ALKBH8: variants seen among roughly 807,000 people sequenced by gnomAD.
The protein encoded by ALKBH8 is tRNA (carboxymethyluridine(34)-5-O)-methyltransferase ALKBH8.
ALKBH8 carries 36 observed loss-of-function variants against 59.8 expected under a neutral mutation model. The observed-to-expected ratio is 0.60, with a 90% confidence interval of 0.46 to 0.79. ALKBH8 has a LOEUF of 0.79. Ranked by LOEUF, ALKBH8 falls within the 30% of genes least tolerant of loss-of-function variation. The probability of loss-of-function intolerance (pLI) is 0.00; values close to 1 mark genes in which losing one functional copy is unlikely to be tolerated. For missense variants in ALKBH8, 768 were observed against 801.0 expected, an observed-to-expected ratio of 0.96 and a Z score of 0.50; for synonymous variants, 276 against 273.6, an observed-to-expected ratio of 1.01 and a Z score of -0.09.
At chr11:107,556,726 C>T in intron 3 of ALKBH8, 40 bp downstream of exon 3, 1 of 1,293,542 alleles carries the variant, frequency 7.7e-7, no homozygotes, top group Non-Finnish European at 1.0e-6. Context: ...AGAAAACACC[C>T]AGAAGAATCA....
chr11:107,554,119 A>T, intron 3 of ALKBH8, 141 bp from the exon 4 acceptor site: 1 of 997,688 alleles, frequency 1.0e-6, no homozygotes, highest in Non-Finnish European at 1.5e-6. Flanking sequence ...GGCACCCAAC[A>T]TATTAAAAGT....
intron 7 of ALKBH8, among the ~76,000 whole-genome samples, chr11:107,544,773 C>T (rs944598618): frequency 1.3e-5 from 2 of 150,664 alleles, no homozygotes; most frequent in Non-Finnish European, 3.0e-5. Context: ...CATCAATATA[C>T]ATATAGAGCC....
At chr11:107,514,654 T>TCA (rs1400842214) in intron 10 of ALKBH8, among the ~76,000 whole-genome samples, 7 of 152,180 alleles carry the variant, frequency 4.6e-5, no homozygotes, top group Admixed American at 1.3e-4. Context: ...AGTCAGAATA[T>TCA]CAAGATGACA....
At chr11:107,549,899 T>C in intron 6 of ALKBH8, 76 bp from the exon 7 acceptor site, 1 of 1,073,146 alleles carries the variant, frequency 9.3e-7, no homozygotes, top group Non-Finnish European at 1.4e-6. Flanking sequence ...AATGTAGCCT[T>C]ATGCTATTAA....
chr11:107,534,164 A>T (rs1863714621), intron 7 of ALKBH8, among the ~76,000 whole-genome samples: 1 of 152,116 alleles, frequency 6.6e-6, no homozygotes, highest in Non-Finnish European at 1.5e-5. Context: ...ATAAATTCAT[A>T]ATAAATTGTT....
At chr11:107,558,195 AAATAAG>A (rs1245760929) in intron 2 of ALKBH8, among the ~76,000 whole-genome samples, 1 of 152,214 alleles carries the variant, frequency 6.6e-6, no homozygotes, top group Non-Finnish European at 1.5e-5. Flanking sequence ...TTATTACACA[AAATAAG>A]AATACCTAGA....
chr11:107,529,341 A>C (rs1863480388), intron 8 of ALKBH8, among the ~76,000 whole-genome samples: 2 of 152,230 alleles, frequency 1.3e-5, no homozygotes, highest in African/African-American at 4.8e-5. Context: ...ATCTCATGAA[A>C]TAATGCTTCC....
At chr11:107,524,013 A>T (rs892666188) in intron 9 of ALKBH8, among the ~76,000 whole-genome samples, 1 of 152,158 alleles carries the variant, frequency 6.6e-6, no homozygotes, top group Non-Finnish European at 1.5e-5. Flanking sequence ...ATTTTAAAAC[A>T]TCATGTTGTA....
intron 2 of ALKBH8, among the ~76,000 whole-genome samples, chr11:107,559,163 T>C (rs1448541038): frequency 6.6e-6 from 1 of 152,226 alleles, no homozygotes; most frequent in Non-Finnish European, 1.5e-5. Context: ...TTTCGCCTTC[T>C]GCCACGATTG....
chr11:107,533,620 C>G (rs911136715), intron 7 of ALKBH8, among the ~76,000 whole-genome samples: 2 of 151,978 alleles, frequency 1.3e-5, no homozygotes, highest in African/African-American at 4.8e-5. Context: ...TTCGAAACAC[C>G]GGAGATTAAT....
chr11:107,554,082 T>C lies in ALKBH8; in HGVS notation c.368-104A>G, dbSNP rs1226716201. 14 of 1,408,924 alleles carry C rather than the reference T, an allele frequency of 9.9e-6. No individual in the cohort carries two copies. In the East Asian group the frequency reaches 2.2e-4, roughly 22 times the overall value. The allele number at this position is 1,408,924 out of a possible 1,614,324, so 87.3% of individuals were successfully genotyped here. A position where few individuals can be genotyped will look rare whatever the true frequency, so the allele number is the denominator to read the frequency against. On this transcript the variant is annotated intron_variant, in intron 3 of 11. Coordinates refer to ENST00000428149, the MANE Select transcript of ALKBH8 (RefSeq NM_138775.3). ...TATCAGTTCACAAAACTTCAAATCC[T>C]CATTTTCGGAAACAAGATTGCTGAA...
intron 9 of ALKBH8, 87 bp from the exon 10 acceptor site, chr11:107,522,642 ATGC>A: frequency 7.1e-7 from 1 of 1,404,554 alleles, no homozygotes; most frequent in Non-Finnish European, 9.4e-7. Context: ...AAAAAAATCA[ATGC>A]AAATTTGGTG....
At chr11:107,523,891 C>T (rs773006163) in intron 9 of ALKBH8, among the ~76,000 whole-genome samples, 5 of 150,684 alleles carry the variant, frequency 3.3e-5, no homozygotes, top group Non-Finnish European at 5.9e-5. Context: ...TGTGAGCCAC[C>T]GCACCCAGCC....
At chr11:107,530,693 A>T (rs752958725) in intron 8 of ALKBH8, among the ~76,000 whole-genome samples, 8 of 151,750 alleles carry the variant, frequency 5.3e-5, no homozygotes, top group Non-Finnish European at 8.8e-5. Flanking sequence ...GCCTTCAAAA[A>T]TAATACTGAG....
rs151210140 is a variant in ALKBH8 at position 107,520,025 on chromosome 11, T to C, written c.1287+2274A>G. 5.6e-3 allele frequency among the ~76,000 whole-genome samples: 849 copies of C among 152,264 alleles called. 5 individuals are homozygous for C. Among genetic ancestry groups the C allele is most frequent in the African/African-American group, 0.019 (790 of 41,548 alleles). ...AATAAGGAGTACCCTGGATCCTACA[T>C]AAAAAGAGAAAGCTAGATCCTAAAG... On this transcript the variant is annotated intron_variant, in intron 10 of 11. Coordinates refer to ENST00000428149, the MANE Select transcript of ALKBH8 (RefSeq NM_138775.3).
chr11:107,552,675 A>G (rs1864545554), intron 5 of ALKBH8, among the ~76,000 whole-genome samples: 1 of 152,208 alleles, frequency 6.6e-6, no homozygotes. Flanking sequence ...GTCAGTATCA[A>G]TTAACGTTTT....
intron 10 of ALKBH8, 123 bp from the exon 11 acceptor site, chr11:107,511,159 G>A (rs1200135827): frequency 6.0e-6 from 6 of 996,948 alleles, no homozygotes; most frequent in Non-Finnish European, 8.8e-6. Context: ...AATGGTCTGA[G>A]ACCATGATAC....
intron 11 of ALKBH8, among the ~76,000 whole-genome samples, chr11:107,507,998 T>C (rs1183570670): frequency 6.6e-6 from 1 of 152,068 alleles, no homozygotes; most frequent in Non-Finnish European, 1.5e-5. Context: ...ACTCTCTAAG[T>C]CCAAATTATA....
Position 107,517,439 on chromosome 11 carries a change from C to T in ALKBH8, c.1287+4860G>A, listed in dbSNP as rs80028553. Among the ~76,000 whole-genome samples, 597 of 152,212 alleles carry T rather than the reference C, an allele frequency of 3.9e-3. 3 individuals are homozygous for T. The highest frequency in any genetic ancestry group is 0.013 in the African/African-American group (523 of 41,534). On this transcript the variant is annotated intron_variant, in intron 10 of 11. Transcript: ENST00000428149. ...GGTATATATCCAAAGAAAATGAAAT[C>T]GGTAGGTCAAAGAGATATCTGCACT...
Sources: allele counts gnomAD v4.1 joint callset (sites outside exome capture counted in the v4.1 genomes callset), GRCh38; gene constraint gnomAD v4.1.1; transcripts MANE v1.5; gene names NCBI Gene and HGNC (gene_info 2026-07-23, HGNC 2026-07-21).